The following PTPRD variants were observed in gnomAD, a reference collection of about 807,000 sequenced individuals.
PTPRD encodes the protein protein tyrosine phosphatase receptor type D.
In PTPRD, 34 loss-of-function variants were observed where a neutral mutation model predicts 214.5. That is an observed-to-expected ratio of 0.16 (90% confidence interval 0.12 to 0.21). The LOEUF (loss-of-function observed/expected upper bound fraction) is 0.21. Ranked by LOEUF, PTPRD falls within the 10% of genes least tolerant of loss-of-function variation. PTPRD has a pLI of 1.00. For missense variants in PTPRD, 2,545 were observed against 2,398.7 expected (o/e 1.06, Z -1.27); for synonymous variants, 1,128 against 845.7 (o/e 1.33, Z -5.79).
At chr9:10,542,248 C>T (rs1027652925) in intron 2 of PTPRD, among the ~76,000 whole-genome samples, 2 of 152,112 alleles carry the variant, frequency 1.3e-5, no homozygotes, top group African/African-American at 4.8e-5. Context: ...TGCATCAGCT[C>T]ATACTGTATT....
At chr9:8,390,111 C>G (rs1335953379) in intron 36 of PTPRD, among the ~76,000 whole-genome samples, 1 of 152,070 alleles carries the variant, frequency 6.6e-6, no homozygotes, top group Non-Finnish European at 1.5e-5. Flanking sequence ...GGACAGCTGC[C>G]CCCTAATTGG....
chr9:9,822,321 G>A (rs892661206), intron 5 of PTPRD, among the ~76,000 whole-genome samples: 1 of 151,404 alleles, frequency 6.6e-6, no homozygotes, highest in South Asian at 2.1e-4. Flanking sequence ...TGAGGCAGGA[G>A]AATCACTTGA....
At chr9:10,208,247 G>C (rs370259774) in intron 3 of PTPRD, among the ~76,000 whole-genome samples, 4 of 152,198 alleles carry the variant, frequency 2.6e-5, no homozygotes, top group Non-Finnish European at 5.9e-5. Flanking sequence ...GGGCGCGGTG[G>C]CTCAGGCCCG....
intron 8 of PTPRD, among the ~76,000 whole-genome samples, chr9:9,462,607 C>A (rs1363142315): frequency 6.6e-6 from 1 of 152,094 alleles, no homozygotes; most frequent in African/African-American, 2.4e-5. Flanking sequence ...TCCAGGGTGG[C>A]CTGTTCTAGT....
intron 9 of PTPRD, among the ~76,000 whole-genome samples, chr9:9,346,918 C>G (rs1002024182): frequency 1.3e-5 from 2 of 152,102 alleles, no homozygotes; most frequent in African/African-American, 4.8e-5. Context: ...GTCTCAAACT[C>G]CTGATCTCTG....
At chr9:10,537,696 G>C (rs1259695110) in intron 2 of PTPRD, among the ~76,000 whole-genome samples, 1 of 152,012 alleles carries the variant, frequency 6.6e-6, no homozygotes, top group Admixed American at 6.6e-5. Context: ...CCTTCAGTGA[G>C]TTTCTGATTA....
intron 3 of PTPRD, among the ~76,000 whole-genome samples, chr9:10,079,203 C>G (rs924102647): frequency 6.6e-6 from 1 of 152,032 alleles, no homozygotes; most frequent in African/African-American, 2.4e-5. Flanking sequence ...CTTCCGAACT[C>G]CATGTTTCCA....
intron 14 of PTPRD, among the ~76,000 whole-genome samples, chr9:8,575,043 G>C (rs2092090579): frequency 6.6e-6 from 1 of 152,046 alleles, no homozygotes; most frequent in African/African-American, 2.4e-5. Flanking sequence ...TTTGCAAATA[G>C]ATCACACTTC....
intron 3 of PTPRD, among the ~76,000 whole-genome samples, chr9:10,139,112 G>T (rs1044406235): frequency 6.6e-6 from 1 of 151,960 alleles, no homozygotes; most frequent in East Asian, 1.9e-4. Flanking sequence ...ATCTTTCTTC[G>T]CTAATGATAT....
At chr9:9,792,230 G>T (rs879734139) in intron 5 of PTPRD, among the ~76,000 whole-genome samples, 10 of 151,758 alleles carry the variant, frequency 6.6e-5, no homozygotes, top group Admixed American at 6.6e-5. Flanking sequence ...CACAGTTCCT[G>T]TTAATATTAG....
chr9:8,455,242 T>G (rs961770891), intron 33 of PTPRD, among the ~76,000 whole-genome samples: 1 of 152,178 alleles, frequency 6.6e-6, no homozygotes, highest in African/African-American at 2.4e-5. Context: ...TCATTATAAA[T>G]CTACAGAGCA....
intron 11 of PTPRD, among the ~76,000 whole-genome samples, chr9:8,746,170 G>C (rs1251682476): frequency 6.6e-6 from 1 of 152,108 alleles, no homozygotes; most frequent in Non-Finnish European, 1.5e-5. Flanking sequence ...GTGGGAACGG[G>C]TTAGATTCTG....
intron 7 of PTPRD, among the ~76,000 whole-genome samples, chr9:9,595,331 TAA>T (rs1337416415): frequency 1.2e-5 from 1 of 80,514 alleles, no homozygotes; most frequent in African/African-American, 3.0e-5. Context: ...TTTATATATA[TAA>T]TATATATTGT....
chr9:9,348,083 G>C (rs558127539), intron 9 of PTPRD, among the ~76,000 whole-genome samples: 1 of 152,138 alleles, frequency 6.6e-6, no homozygotes, highest in Non-Finnish European at 1.5e-5. Flanking sequence ...TCAAGCTAGA[G>C]AGTTGATTGA....
At chr9:10,472,800 T>C (rs1260823611) in intron 2 of PTPRD, among the ~76,000 whole-genome samples, 7 of 151,964 alleles carry the variant, frequency 4.6e-5, no homozygotes, top group Non-Finnish European at 1.0e-4. Context: ...ATAGCAAACC[T>C]AAATCATTAC....
At chr9:8,354,996 G>A (rs1417077929) in intron 39 of PTPRD, among the ~76,000 whole-genome samples, 1 of 152,142 alleles carries the variant, frequency 6.6e-6, no homozygotes. Context: ...TTGTGAACCT[G>A]GTGATATAGT....
intron 5 of PTPRD, chr9:9,799,650 G>C (rs1046906962): frequency 6.6e-6 from 1 of 152,072 alleles, no homozygotes; most frequent in Admixed American, 6.5e-5. Flanking sequence ...ACAAGAGACC[G>C]AACTGTCTCT....
intron 11 of PTPRD, among the ~76,000 whole-genome samples, chr9:8,830,031 A>C (rs1383146196): frequency 6.6e-5 from 10 of 152,172 alleles, no homozygotes; most frequent in Non-Finnish European, 1.3e-4. Flanking sequence ...TAAATACCAA[A>C]GTTTGAATCT....
At chr9:9,632,205 T>C (rs550706660) in intron 7 of PTPRD, among the ~76,000 whole-genome samples, 1 of 152,166 alleles carries the variant, frequency 6.6e-6, no homozygotes, top group Non-Finnish European at 1.5e-5. Flanking sequence ...TGATGGACTA[T>C]TACACAACCA....
Sources: allele counts gnomAD v4.1 joint callset (sites outside exome capture counted in the v4.1 genomes callset), GRCh38; gene constraint gnomAD v4.1.1; transcripts MANE v1.5; gene names NCBI Gene and HGNC (gene_info 2026-07-23, HGNC 2026-07-21).